Variants in GRXCR1 observed in about 807,000 individuals in gnomAD.
GRXCR1 encodes glutaredoxin domain-containing cysteine-rich protein 1.
In GRXCR1, 27 loss-of-function variants were observed where a neutral mutation model predicts 27.3. The observed-to-expected ratio is 0.99, with a 90% confidence interval of 0.73 to 1.37. The LOEUF (loss-of-function observed/expected upper bound fraction) is 1.37. GRXCR1 is among the 40% of genes most tolerant of loss of function. The pLI is 0.00. For synonymous variants in GRXCR1, 122 were observed against 131.1 expected (o/e 0.93, Z 0.47); for missense variants, 379 against 354.4 (o/e 1.07, Z -0.56).
chr4:42,900,517 T>A (rs1746438183), intron 1 of GRXCR1, among the ~76,000 whole-genome samples: 1 of 152,144 alleles, frequency 6.6e-6, no homozygotes, highest in Non-Finnish European at 1.5e-5. Context: ...CTTTTTTGTA[T>A]CTTTTATGTA....
chr4:42,976,463 A>G (rs1000456280), intron 2 of GRXCR1, among the ~76,000 whole-genome samples: 1 of 151,980 alleles, frequency 6.6e-6, no homozygotes, highest in Non-Finnish European at 1.5e-5. Context: ...TTATTTTTGA[A>G]TTATAATGTA....
intron 2 of GRXCR1, among the ~76,000 whole-genome samples, chr4:43,009,163 C>T (rs1435650676): frequency 6.6e-6 from 1 of 152,140 alleles, no homozygotes; most frequent in Non-Finnish European, 1.5e-5. Context: ...ATTTAGAGAC[C>T]TGGGTTTATT....
At chr4:42,988,883 A>G (rs1387582816) in intron 2 of GRXCR1, among the ~76,000 whole-genome samples, 1 of 152,234 alleles carries the variant, frequency 6.6e-6, no homozygotes, top group Non-Finnish European at 1.5e-5. Flanking sequence ...AAAGTTATCA[A>G]GAAAGGCTTC....
intron 2 of GRXCR1, among the ~76,000 whole-genome samples, chr4:42,972,612 A>C (rs1357721942): frequency 2.0e-5 from 3 of 152,212 alleles, no homozygotes; most frequent in African/African-American, 7.2e-5. Context: ...TCTGCTAAGC[A>C]TGTTACATGC....
intron 1 of GRXCR1, among the ~76,000 whole-genome samples, chr4:42,949,999 C>T (rs1261799162): frequency 6.6e-6 from 1 of 152,184 alleles, no homozygotes; most frequent in South Asian, 2.1e-4. Context: ...AAAGTAGATT[C>T]TTACAGCATC....
intron 2 of GRXCR1, among the ~76,000 whole-genome samples, chr4:42,992,943 GA>G (rs1159495766): frequency 6.6e-6 from 1 of 151,830 alleles, no homozygotes; most frequent in African/African-American, 2.4e-5. Context: ...AATTTGGGGA[GA>G]AAAAAATAAA....
intron 1 of GRXCR1, among the ~76,000 whole-genome samples, chr4:42,903,094 C>T (rs951731065): frequency 1.4e-4 from 22 of 152,114 alleles, no homozygotes; most frequent in African/African-American, 2.7e-4. Context: ...AGGCTACAAC[C>T]GGAGCCCGAA....
intron 1 of GRXCR1, among the ~76,000 whole-genome samples, chr4:42,916,691 A>G (rs899916812): frequency 2.9e-4 from 44 of 152,088 alleles, no homozygotes; most frequent in Admixed American, 7.9e-4. Flanking sequence ...TCATTTTACT[A>G]TGGTATTATC....
chr4:42,984,784 G>A (rs1343249217), intron 2 of GRXCR1, among the ~76,000 whole-genome samples: 1 of 152,194 alleles, frequency 6.6e-6, no homozygotes, highest in African/African-American at 2.4e-5. Flanking sequence ...TCCAGAATCT[G>A]GGGCTGCTGA....
At chr4:42,965,548 G>T (rs1016938757) in intron 2 of GRXCR1, among the ~76,000 whole-genome samples, 1 of 152,004 alleles carries the variant, frequency 6.6e-6, no homozygotes, top group Non-Finnish European at 1.5e-5. Flanking sequence ...CCTCTGCTGG[G>T]TTGGACACCT....
chr4:43,000,907 C>T (rs945538273), intron 2 of GRXCR1, among the ~76,000 whole-genome samples: 10 of 151,760 alleles, frequency 6.6e-5, no homozygotes, highest in African/African-American at 2.4e-4. Flanking sequence ...AGGTGTTTTT[C>T]TCTTTCTTCA....
chr4:42,942,916 T>C (rs754528905), intron 1 of GRXCR1, among the ~76,000 whole-genome samples: 5 of 152,070 alleles, frequency 3.3e-5, no homozygotes, highest in Non-Finnish European at 7.4e-5. Context: ...ATTTACTTTG[T>C]AGATATGATG....
chr4:42,977,597 A>G (rs1356649701), intron 2 of GRXCR1, among the ~76,000 whole-genome samples: 1 of 151,940 alleles, frequency 6.6e-6, no homozygotes, highest in Non-Finnish European at 1.5e-5. Flanking sequence ...ACTATTAGTC[A>G]TTTTATGCCT....
chr4:42,932,973 A>C (rs1160005966), intron 1 of GRXCR1, among the ~76,000 whole-genome samples: 1 of 151,750 alleles, frequency 6.6e-6, no homozygotes, highest in Non-Finnish European at 1.5e-5. Flanking sequence ...GAATGATGAG[A>C]GAATCATCTA....
chr4:43,003,035 C>T (rs1292199357), intron 2 of GRXCR1, among the ~76,000 whole-genome samples: 3 of 152,166 alleles, frequency 2.0e-5, no homozygotes, highest in African/African-American at 7.2e-5. Flanking sequence ...TCCAGCCCTT[C>T]CCCTGTCTCT....
intron 3 of GRXCR1, among the ~76,000 whole-genome samples, chr4:43,028,591 G>A (rs2109811497): frequency 6.6e-6 from 1 of 152,274 alleles, no homozygotes; most frequent in Admixed American, 6.5e-5. Context: ...TGAATGACAA[G>A]GATCTATCTA....
intron 2 of GRXCR1, among the ~76,000 whole-genome samples, chr4:42,987,249 A>T (rs926397866): frequency 2.7e-4 from 14 of 52,146 alleles, no homozygotes; most frequent in African/African-American, 5.6e-4. Flanking sequence ...ATAATATATA[A>T]TATATATATA....
intron 1 of GRXCR1, among the ~76,000 whole-genome samples, chr4:42,900,053 C>T (rs1370470224): frequency 6.6e-6 from 1 of 152,166 alleles, no homozygotes; most frequent in East Asian, 1.9e-4. Flanking sequence ...GCAAGGCAAA[C>T]GTTCTTTTGC....
chr4:42,980,100 C>T (rs550670291), intron 2 of GRXCR1, among the ~76,000 whole-genome samples: 5 of 151,430 alleles, frequency 3.3e-5, no homozygotes, highest in Non-Finnish European at 7.4e-5. Flanking sequence ...TTCAATAAAC[C>T]AACTCAGTTT....
Sources: gnomAD v4.1 joint callset for allele counts (sites outside exome capture counted in the v4.1 genomes callset) on GRCh38, gnomAD v4.1.1 for gene constraint, MANE v1.5 for transcripts, NCBI Gene and HGNC (gene_info 2026-07-23, HGNC 2026-07-21) for gene names.